HMSD: variants seen among roughly 807,000 people sequenced by gnomAD.
HMSD encodes the protein histocompatibility minor serpin domain containing.
Under a neutral mutation model 10.0 loss-of-function variants are expected in HMSD, and 13 were observed. The observed-to-expected ratio is 1.31, with a 90% CI of 0.85 to 2.08. The LOEUF (loss-of-function observed/expected upper bound fraction) is 2.08, where lower values mean the gene tolerates loss of function less well. Among genes scored for constraint, HMSD ranks in the 30% most tolerant of loss-of-function variants. HMSD has a pLI of 0.00. For missense variants in HMSD, 169 were observed against 166.3 expected, an observed-to-expected ratio of 1.02 and a Z score of -0.09; for synonymous variants, 51 against 54.2, an observed-to-expected ratio of 0.94 and a Z score of 0.26.
downstream of HMSD, among the ~76,000 whole-genome samples, chr18:63,963,133 C>CTTTCTTTT (rs748638278): frequency 2.0e-3 from 219 of 108,458 alleles, 3 homozygotes; most frequent in African/African-American, 4.7e-3. Context: ...TTCTTTCTTT[C>CTTTCTTTT]CTTTCTTTCT....
In HMSD at chr18:63,960,443, T is replaced by C; in HGVS notation, c.*88T>C. On this transcript the variant is annotated 3_prime_UTR_variant, in exon 4 of 4. Coordinates refer to ENST00000408945, the MANE Select transcript of HMSD (RefSeq NM_001123366.2). ...CCAACTCGTAGACCTTTTCTCTAGC[T>C]TTAGCTTTTCCCTTATCAAGTATCT... 2 of 1,473,804 alleles carry C rather than the reference T, an allele frequency of 1.4e-6. No individual in the cohort carries two copies. Among genetic ancestry groups the C allele is most frequent in the Non-Finnish European group, 1.8e-6 (2 of 1,121,892 alleles). The allele number at this position is 1,473,804 out of a possible 1,614,324, so 91.3% of individuals were successfully genotyped here.
downstream of HMSD, among the ~76,000 whole-genome samples, chr18:63,963,071 C>CTCTTTCTT (rs58573319): frequency 3.1e-3 from 322 of 105,010 alleles, 5 homozygotes; most frequent in East Asian, 5.0e-3. Flanking sequence ...TCTTTTCTTT[C>CTCTTTCTT]TCTTTCTTTC....
chr18:63,951,563 G>A (rs1350722471), intron 1 of HMSD, among the ~76,000 whole-genome samples: 1 of 152,156 alleles, frequency 6.6e-6, no homozygotes, highest in Non-Finnish European at 1.5e-5. Context: ...GGTGGGAGGG[G>A]AATTTGCCAT....
intron 2 of HMSD, 78 bp from the exon 3 acceptor site, chr18:63,954,330 C>A: frequency 1.0e-6 from 1 of 961,116 alleles, no homozygotes; most frequent in Non-Finnish European, 1.6e-6. Flanking sequence ...TCTCATATTG[C>A]TGAGTTTACT....
At position 63,958,494 on chromosome 18, in the gene HMSD, T is replaced by A. The variant is rs117396575; in HGVS notation, c.223-1664T>A. Among the ~76,000 whole-genome samples, 1,245 of 152,312 alleles carry A rather than the reference T, an allele frequency of 8.2e-3. 9 individuals carry two copies. The highest frequency in any genetic ancestry group is 0.017 in the Middle Eastern group (5 of 294). On this transcript the variant is annotated intron_variant, in intron 3 of 3. Coordinates refer to ENST00000408945, the MANE Select transcript of HMSD (RefSeq NM_001123366.2). Reference sequence around the variant, plus strand: ...AAACAATTCTATAATGCATGGTTCATAAATTAGTTGTTTCAGCTCATTTAA... The same window carrying A: ...AAACAATTCTATAATGCATGGTTCAAAAATTAGTTGTTTCAGCTCATTTAA...
intron 3 of HMSD, among the ~76,000 whole-genome samples, chr18:63,956,482 T>C (rs1317927438): frequency 6.6e-6 from 1 of 152,138 alleles, no homozygotes; most frequent in Non-Finnish European, 1.5e-5. Flanking sequence ...TAGGAAAACA[T>C]TGCCAACATC....
intron 1 of HMSD, among the ~76,000 whole-genome samples, chr18:63,953,029 A>G (rs2050339183): frequency 1.3e-5 from 2 of 152,214 alleles, no homozygotes; most frequent in South Asian, 4.1e-4. Flanking sequence ...ATGGTGATTA[A>G]GAGGAGCCCT....
Position 63,954,405 on chromosome 18 carries a change from C to G in HMSD, c.73-3C>G, listed in dbSNP as rs747704202. On this transcript the variant is annotated splice_region_variant and splice_polypyrimidine_tract_variant and intron_variant, in intron 2 of 3. Transcript: ENST00000408945. ...TGTATGTTTATTATTATTTTATTTT[C>G]AGGCACTTTGTTTTAGTAAAATCGG... The G allele has an allele frequency of 6.2e-7, 1 of 1,605,536 alleles. No homozygotes were observed. The highest frequency in any genetic ancestry group is 1.1e-5 in the South Asian group (1 of 90,654).
chr18:63,961,210 T>TTCCTC lies in HMSD; in HGVS notation c.*857_*858insCTCTC, dbSNP rs1555709885. 1.6e-3 allele frequency: 248 copies of TTCCTC among 150,490 alleles called. 1 individual carries two copies. Among genetic ancestry groups the TTCCTC allele is most frequent in the African/African-American group, 5.5e-3 (224 of 40,772 alleles). The allele number at this position is 150,490 out of a possible 1,614,324, so 9.3% of individuals were successfully genotyped here. A position where few individuals can be genotyped will look rare whatever the true frequency, so the allele number is the denominator to read the frequency against. On this transcript the variant is annotated 3_prime_UTR_variant, in exon 4 of 4. Coordinates refer to ENST00000408945, the MANE Select transcript of HMSD (RefSeq NM_001123366.2). ...CCAAGCAGGAGGGTGTTTTTTTTTT[T>TTCCTC]TCTTTCCTGGAATGAGGATAATCAA...
intron 1 of HMSD, among the ~76,000 whole-genome samples, chr18:63,951,456 A>G (rs1331268377): frequency 6.6e-6 from 1 of 152,216 alleles, no homozygotes; most frequent in African/African-American, 2.4e-5. Context: ...CAGGGGGGAA[A>G]CTGTGGGAGA....
At chr18:63,950,074 A>G (rs1306120645) in intron 1 of HMSD, among the ~76,000 whole-genome samples, 1 of 152,214 alleles carries the variant, frequency 6.6e-6, no homozygotes, top group African/African-American at 2.4e-5. Flanking sequence ...TAATTGAAAT[A>G]CATGTTACAA....
downstream of HMSD, chr18:63,966,653 C>T (rs1320317768): frequency 6.6e-6 from 1 of 152,210 alleles, no homozygotes; most frequent in Non-Finnish European, 1.5e-5. Flanking sequence ...ATTAATTTTT[C>T]CTGACATTTA....
At chr18:63,964,213 C>T (rs1006754), downstream of HMSD, among the ~76,000 whole-genome samples, 44,509 of 152,062 alleles carry the variant, frequency 0.29, 7,572 homozygotes, top group African/African-American at 0.47. Context: ...TTAGTTTGCT[C>T]AGGTGGGTAT....
chr18:63,955,701 G>A (rs2050354429), intron 3 of HMSD, among the ~76,000 whole-genome samples: 1 of 152,136 alleles, frequency 6.6e-6, no homozygotes, highest in African/African-American at 2.4e-5. Flanking sequence ...GGAAACAAAA[G>A]GGGTAGTGAA....
In HMSD at chr18:63,954,539, G is replaced by A. The variant is rs61738713; in HGVS notation, c.204G>A (p.Lys68=). ...CTGCCAACGGGCTCTTTGGAGAAAA[G>A]TCTTATGATTTCCTCACAGTAAGTC... ...LRTANGLFGE[K]SYDFLTGFTD... is the part of the protein sequence containing the mutation. The change falls in exon 3 of 4, where the codon AAG becomes AAA. Residue 68 remains lysine, a synonymous_variant. Coordinates refer to ENST00000408945, the MANE Select transcript of HMSD (RefSeq NM_001123366.2). The A allele has an allele frequency of 5.5e-3, 8,864 of 1,611,654 alleles. 309 individuals carry two copies. The African/African-American group carries it at 0.084, about 15-fold the overall frequency.
chr18:63,953,363 C>CATGGATGCTCT lies in HMSD; in HGVS notation c.-90_-80dup. 1.2e-6 allele frequency: 1 copy of CATGGATGCTCT among 867,726 alleles called. No individual in the cohort carries two copies. The highest frequency in any genetic ancestry group is 1.9e-6 in the Non-Finnish European group (1 of 523,036). 53.8% of individuals were successfully genotyped at this position (867,726 alleles called of 1,614,324 possible). On this transcript the variant is annotated 5_prime_UTR_variant, in exon 2 of 4. In the 5' UTR this introduces an upstream ATG that the reference lacks. Coordinates refer to ENST00000408945, the MANE Select transcript of HMSD (RefSeq NM_001123366.2). Reference sequence around the variant, plus strand: ...AAATCCATTGTTTCAGGCTCACCGTCATGGATGCTCTATCAGAAGCAAATG... The same window carrying CATGGATGCTCT: ...AAATCCATTGTTTCAGGCTCACCGTCATGGATGCTCTATGGATGCTCTATCAGAAGCAAATG...
At chr18:63,949,782 G>C (rs2050319581) in intron 1 of HMSD, among the ~76,000 whole-genome samples, 1 of 152,182 alleles carries the variant, frequency 6.6e-6, no homozygotes, top group Non-Finnish European at 1.5e-5. Flanking sequence ...TGTGAGGCCT[G>C]GGACCTCCAG....
intron 1 of HMSD, among the ~76,000 whole-genome samples, chr18:63,951,263 G>A (rs1383536502): frequency 2.6e-5 from 4 of 152,112 alleles, no homozygotes; most frequent in Non-Finnish European, 4.4e-5. Flanking sequence ...TTAAAATAAC[G>A]TATTTGCTGT....
At chr18:63,958,280 G>A (rs1386152070) in intron 3 of HMSD, among the ~76,000 whole-genome samples, 1 of 152,130 alleles carries the variant, frequency 6.6e-6, no homozygotes, top group Non-Finnish European at 1.5e-5. Flanking sequence ...GAACATGGAG[G>A]CATAAACAGA....
Sources: gnomAD v4.1 joint callset for allele counts (sites outside exome capture counted in the v4.1 genomes callset) on GRCh38, gnomAD v4.1.1 for gene constraint, MANE v1.5 for transcripts, NCBI Gene and HGNC (gene_info 2026-07-23, HGNC 2026-07-21) for gene names.